MIGA2: variants seen among roughly 807,000 people sequenced by gnomAD.
MIGA2 encodes the protein family with sequence similarity 73, member B.
Under a neutral mutation model 69.9 loss-of-function variants are expected in MIGA2, and 36 were observed. The ratio of observed to expected loss-of-function variants is 0.52; its 90% CI spans 0.39 to 0.68. The LOEUF is 0.68. MIGA2 is among the 30% of genes least tolerant of loss of function. MIGA2 has a pLI of 0.00. For synonymous variants in MIGA2, 333 were observed against 349.2 expected (o/e 0.95, Z 0.52); for missense variants, 660 against 787.7 (o/e 0.84, Z 1.94).
rs1846663519 is a variant in MIGA2 at position 129,071,255 on chromosome 9, C to CG, written c.*806dup. ...CTCAGGCCCCTGTCACCTGTGGGCC[C>CG]GGGGACCACTTGGGGGAGGTCAGAG... On this transcript the variant is annotated 3_prime_UTR_variant, in exon 16 of 16. Transcript: ENST00000684074. 6.6e-6 allele frequency: 1 copy of CG among 152,408 alleles called. No homozygotes were observed. Among genetic ancestry groups the CG allele is most frequent in the African/African-American group, 2.4e-5 (1 of 41,438 alleles). The allele number at this position is 152,408 out of a possible 1,614,324, so 9.4% of individuals were successfully genotyped here.
At chr9:129,058,719 C>T (rs1357523267) in intron 6 of MIGA2, among the ~76,000 whole-genome samples, 2 of 151,984 alleles carry the variant, frequency 1.3e-5, no homozygotes, top group Non-Finnish European at 2.9e-5. Flanking sequence ...AGGCTGGTCT[C>T]GAACTCCTGA....
At chr9:129,056,643 C>G (rs1017644947) in intron 6 of MIGA2, among the ~76,000 whole-genome samples, 1 of 151,976 alleles carries the variant, frequency 6.6e-6, no homozygotes, top group Non-Finnish European at 1.5e-5. Context: ...CTCAGTCTCC[C>G]AAGTCGCTGG....
chr9:129,064,361 C>T (rs548576541), intron 11 of MIGA2, among the ~76,000 whole-genome samples: 16 of 152,128 alleles, frequency 1.1e-4, no homozygotes, highest in African/African-American at 3.4e-4. Context: ...CGCTCGCCAC[C>T]GTGCCCGGCT....
At chr9:129,046,115 A>G (rs928057968) in intron 3 of MIGA2, among the ~76,000 whole-genome samples, 2 of 152,028 alleles carry the variant, frequency 1.3e-5, no homozygotes, top group South Asian at 2.1e-4. Context: ...AGCCTCCCAA[A>G]TTGCTGGGAT....
At chr9:129,056,548 C>G (rs1157721150) in intron 6 of MIGA2, among the ~76,000 whole-genome samples, 1 of 150,716 alleles carries the variant, frequency 6.6e-6, no homozygotes, top group Non-Finnish European at 1.5e-5. Context: ...AGACGGACTC[C>G]TGCTCTGTTG....
intron 6 of MIGA2, among the ~76,000 whole-genome samples, chr9:129,053,162 C>G (rs1180066177): frequency 1.3e-5 from 2 of 152,126 alleles, no homozygotes; most frequent in African/African-American, 4.8e-5. Flanking sequence ...CACCCTCGGC[C>G]TCCTGGAGCA....
intron 12 of MIGA2, 56 bp downstream of exon 12, chr9:129,067,927 A>G (rs1846448587): frequency 6.5e-7 from 1 of 1,548,534 alleles, no homozygotes; most frequent in African/African-American, 1.4e-5. Context: ...TCTGAGCAGC[A>G]AGGGGGTTCT....
rs1465748218 is a variant in MIGA2 at position 129,061,062 on chromosome 9, C to T, written c.895-169C>T. ...GGATGCTGAGGGCCAGAACTGGGCT[C>T]GAACTGGAGCCTCCTGGCCAGTGTT... On this transcript the variant is annotated intron_variant, in intron 8 of 15. Transcript: ENST00000684074. The surrounding 1 kb of genome is among the most constrained non-coding windows in gnomAD (Gnocchi z 5.0). Among the ~76,000 whole-genome samples the T allele has an allele frequency of 1.3e-5, 2 of 152,170 alleles. No homozygotes were observed. The highest frequency in any genetic ancestry group is 1.9e-4 in the East Asian group (1 of 5,180).
chr9:129,070,608 G>A lies in MIGA2; in HGVS notation c.*155G>A, dbSNP rs1186018168. The A allele has an allele frequency of 1.3e-6, 1 of 793,184 alleles. No homozygotes were observed. The highest frequency in any genetic ancestry group is 1.9e-6 in the Non-Finnish European group (1 of 516,988). The allele number at this position is 793,184 out of a possible 1,614,324, so 49.1% of individuals were successfully genotyped here. A position where few individuals can be genotyped will look rare whatever the true frequency, so the allele number is the denominator to read the frequency against. ...AAGGCCCAGAGGGGACATTTCCATGGAGAAGAACGGTTCCTGGGGGAAGCA... is the reference window on the plus strand; with the variant it reads ...AAGGCCCAGAGGGGACATTTCCATGAAGAAGAACGGTTCCTGGGGGAAGCA... On this transcript the variant is annotated 3_prime_UTR_variant, in exon 16 of 16. Coordinates refer to ENST00000684074, the MANE Select transcript of MIGA2 (RefSeq NM_001329990.2).
chr9:129,052,224 C>T (rs1259863777), intron 6 of MIGA2, among the ~76,000 whole-genome samples: 1 of 152,022 alleles, frequency 6.6e-6, no homozygotes, highest in Non-Finnish European at 1.5e-5. Flanking sequence ...CTCCTGGGTT[C>T]AAGCGATTCT....
In MIGA2 at chr9:129,059,978, A is replaced by G. The variant is rs973174740; in HGVS notation, c.794-572A>G. ...AATCTGCCTCCTCTGGCCTCCCTAC[A>G]TGGCAGAAAGGGCTGGGGGACCTTT... On this transcript the variant is annotated intron_variant, in intron 7 of 15. Coordinates refer to ENST00000684074, the MANE Select transcript of MIGA2 (RefSeq NM_001329990.2). The surrounding 1 kb of genome is among the most constrained non-coding windows in gnomAD (Gnocchi z 5.6). Among the ~76,000 whole-genome samples, 1 of 152,038 alleles carries G rather than the reference A, an allele frequency of 6.6e-6. No homozygotes were observed. The highest frequency in any genetic ancestry group is 1.5e-5 in the Non-Finnish European group (1 of 67,970).
chr9:129,049,461 C>T lies in MIGA2; in HGVS notation c.501C>T (p.Thr167=), dbSNP rs143131592. 1.2e-6 allele frequency: 2 copies of T among 1,613,556 alleles called. No homozygotes were observed. Among genetic ancestry groups the T allele is most frequent in the South Asian group, 1.1e-5 (1 of 90,868 alleles). Residue 167 remains threonine (T), a synonymous_variant, in exon 5 of 16, where the codon ACC becomes ACT. Coordinates refer to ENST00000684074, the MANE Select transcript of MIGA2 (RefSeq NM_001329990.2). Reference sequence around the variant, plus strand: ...CCAGAGGGATGGAGGAGTCTCTGACCACCAGCGACGGCAATGCAGAGAGCC... The same window carrying T: ...CCAGAGGGATGGAGGAGTCTCTGACTACCAGCGACGGCAATGCAGAGAGCC... The part of the protein sequence containing the change: ...WDARGMEESL[T]TSDGNAESLY...
chr9:129,063,121 A>C (rs1373529188), intron 9 of MIGA2, 123 bp from the exon 10 acceptor site: 2 of 949,946 alleles, frequency 2.1e-6, no homozygotes, highest in Non-Finnish European at 1.6e-6. Flanking sequence ...CCACACTGCC[A>C]GGCTGAGGCA....
chr9:129,061,140 C>A lies in MIGA2; in HGVS notation c.895-91C>A. On this transcript the variant is annotated intron_variant, in intron 8 of 15. Transcript: ENST00000684074. This position sits in a 1 kb window ranked among gnomAD's most constrained non-coding sequence, Gnocchi z 5.0. ...GCAGTGGGCAGGCACCTGGGGTGGC[C>A]GCTGTGGCCGACCAATGGGCAGGTG... is the stretch of plus-strand genomic sequence containing the variant. The A allele has an allele frequency of 9.0e-7, 1 of 1,106,356 alleles. No individual in the cohort carries two copies. The highest frequency in any genetic ancestry group is 1.3e-6 in the Non-Finnish European group (1 of 747,516). The allele number at this position is 1,106,356 out of a possible 1,614,324, so 68.5% of individuals were successfully genotyped here.
intron 11 of MIGA2, among the ~76,000 whole-genome samples, chr9:129,065,350 A>ATTTTT (rs376988694): frequency 6.9e-6 from 1 of 145,040 alleles, no homozygotes; most frequent in Non-Finnish European, 1.5e-5. Flanking sequence ...TATCTATAGG[A>ATTTTT]TTTTTTTTTT....
At position 129,042,470 on chromosome 9, in the gene MIGA2, C is replaced by T. The variant is rs780734686; in HGVS notation, c.263C>T (p.Pro88Leu). ...GGAGGGGAGCAGCTGGGCACGGTGCCCCTCCCTATCCTCTTGGCCAGGAAG... is the reference window on the plus strand; with the variant it reads ...GGAGGGGAGCAGCTGGGCACGGTGCTCCTCCCTATCCTCTTGGCCAGGAAG... ...EMGGEQLGTV[P>L]LPILLARKVP... Residue 88 changes from proline to leucine, a missense_variant, in exon 3 of 16, where the codon CCC becomes CTC. This residue lies in a region of MIGA2 where 386 missense variants were observed against 402.0 expected (regional missense o/e 0.96). Coordinates refer to ENST00000684074, the MANE Select transcript of MIGA2 (RefSeq NM_001329990.2). 6.2e-7 allele frequency: 1 copy of T among 1,601,292 alleles called. No individual in the cohort carries two copies. Among genetic ancestry groups the T allele is most frequent in the Non-Finnish European group, 8.5e-7 (1 of 1,174,670 alleles).
chr9:129,039,175 TTGTGTGTGTGTGTGTG>T (rs61426484), intron 1 of MIGA2, among the ~76,000 whole-genome samples: 269 of 140,000 alleles, frequency 1.9e-3, no homozygotes, highest in African/African-American at 6.2e-3. Context: ...AGCTCTTTGT[TTGTGTGTGTGTGTGTG>T]TGTGTGTGTG....
intron 15 of MIGA2, 93 bp from the exon 16 acceptor site, chr9:129,070,154 C>T: frequency 6.9e-7 from 1 of 1,441,280 alleles, no homozygotes; most frequent in Non-Finnish European, 9.6e-7. Context: ...CCGGCTGGGG[C>T]TCTGGTGGTG....
At chr9:129,051,717 C>T (rs868607819) in intron 6 of MIGA2, among the ~76,000 whole-genome samples, 15 of 151,746 alleles carry the variant, frequency 9.9e-5, no homozygotes, top group Middle Eastern at 3.4e-3. Context: ...TTGCCTCAGC[C>T]TCCCCAGTAG....
Sources: gnomAD v4.1 joint callset for allele counts (sites outside exome capture counted in the v4.1 genomes callset) on GRCh38, gnomAD v4.1.1 for gene constraint, gnomAD v4.1.1 regional missense constraint, Gnocchi (gnomAD v3.1) non-coding constraint, MANE v1.5 for transcripts, NCBI Gene and HGNC (gene_info 2026-07-23, HGNC 2026-07-21) for gene names.